Variants in ZNF407 observed in about 807,000 individuals in gnomAD.
ZNF407 encodes the protein zinc finger protein 407.
Under a neutral mutation model 131.2 loss-of-function variants are expected in ZNF407, and 17 were observed. That is an observed-to-expected ratio of 0.13 (90% CI 0.09 to 0.19). The LOEUF is 0.19. Among genes scored for constraint, ZNF407 ranks in the 10% least tolerant of loss-of-function variants. The pLI, the probability that ZNF407 is intolerant of heterozygous loss-of-function variation, is 1.00. For synonymous variants in ZNF407, 1,156 were observed against 1,062.0 expected (o/e 1.09, Z -1.72); for missense variants, 2,681 against 2,830.6 (o/e 0.95, Z 1.20).
Position 74,634,177 on chromosome 18 carries a change from A to G in ZNF407, c.3158A>G (p.Tyr1053Cys). Residue 1053 changes from tyrosine (Y) to cysteine (C), a missense_variant, in exon 2 of 9, where the codon TAC becomes TGC. Transcript: ENST00000299687. ...GAGTTTTATTGCATGGCATGCGATT[A>G]CTACGCGGTGACTCGTCGCGAGATG... ...EFEFYCMACD[Y>C]YAVTRREMTR... 6.2e-7 allele frequency: 1 copy of G among 1,614,064 alleles called. No individual in the cohort carries two copies. Among genetic ancestry groups the G allele is most frequent in the Non-Finnish European group, 8.5e-7 (1 of 1,179,908 alleles).
rs560999473 is a variant in ZNF407 at position 74,987,130 on chromosome 18, C to T, written c.5428+66438C>T. On this transcript the variant is annotated intron_variant, in intron 8 of 8. Transcript: ENST00000299687. Reference sequence around the variant, plus strand: ...ACAAAATACATTAGCTGATACACATCGCGTGTGTTAGAAATGGCATACTCC... The same window carrying T: ...ACAAAATACATTAGCTGATACACATTGCGTGTGTTAGAAATGGCATACTCC... 2.3e-3 allele frequency among the ~76,000 whole-genome samples: 354 copies of T among 151,994 alleles called. 2 individuals carry two copies. Among genetic ancestry groups the T allele is most frequent in the African/African-American group, 7.7e-3 (318 of 41,432 alleles).
chr18:74,675,546 A>G (rs1449002007), intron 3 of ZNF407, among the ~76,000 whole-genome samples: 1 of 152,250 alleles, frequency 6.6e-6, no homozygotes, highest in African/African-American at 2.4e-5. Context: ...AAAGAAAAGT[A>G]ATATAAAGCA....
intron 4 of ZNF407, among the ~76,000 whole-genome samples, chr18:74,792,867 G>T (rs554528222): frequency 1.3e-5 from 2 of 152,154 alleles, no homozygotes; most frequent in African/African-American, 4.8e-5. Flanking sequence ...GGGTCACAAA[G>T]ACACGTCAAT....
chr18:74,812,090 T>G (rs1970205793), intron 4 of ZNF407, among the ~76,000 whole-genome samples: 1 of 152,148 alleles, frequency 6.6e-6, no homozygotes, highest in East Asian at 1.9e-4. Flanking sequence ...TCTGTTAACT[T>G]TGTTTTAGGA....
intron 8 of ZNF407, among the ~76,000 whole-genome samples, chr18:74,952,951 G>A (rs1568281308): frequency 6.6e-6 from 1 of 152,216 alleles, no homozygotes; most frequent in Admixed American, 6.5e-5. Flanking sequence ...AGCAGTGGGA[G>A]TGGAATGGAA....
At chr18:75,021,892 A>G (rs1488601831) in intron 8 of ZNF407, among the ~76,000 whole-genome samples, 1 of 151,986 alleles carries the variant, frequency 6.6e-6, no homozygotes, top group Non-Finnish European at 1.5e-5. Context: ...CCCAGAATAA[A>G]AAGGCAACTA....
intron 3 of ZNF407, among the ~76,000 whole-genome samples, chr18:74,731,404 A>C (rs1968291377): frequency 6.6e-6 from 1 of 152,180 alleles, no homozygotes; most frequent in Non-Finnish European, 1.5e-5. Flanking sequence ...TTTTTAGGCA[A>C]GTTTATCATA....
chr18:74,995,428 A>T (rs1437705903), intron 8 of ZNF407, among the ~76,000 whole-genome samples: 49 of 152,144 alleles, frequency 3.2e-4, no homozygotes, highest in Admixed American at 3.2e-3. Context: ...TGGGTGGACC[A>T]GTTGTGAAGT....
At chr18:74,948,842 A>G (rs1429999845) in intron 8 of ZNF407, among the ~76,000 whole-genome samples, 1 of 152,246 alleles carries the variant, frequency 6.6e-6, no homozygotes, top group Admixed American at 6.5e-5. Context: ...AAGATTTCAA[A>G]TTAGAGTTAA....
intron 7 of ZNF407, among the ~76,000 whole-genome samples, chr18:74,914,572 A>G (rs1021393690): frequency 5.3e-5 from 8 of 152,206 alleles, no homozygotes; most frequent in African/African-American, 1.9e-4. Context: ...AAGATAATGC[A>G]TAGATTACAT....
intron 3 of ZNF407, among the ~76,000 whole-genome samples, chr18:74,771,708 C>T (rs1257694439): frequency 1.3e-5 from 2 of 151,884 alleles, no homozygotes; most frequent in African/African-American, 4.8e-5. Flanking sequence ...AAATGATCAT[C>T]TTTATTTTTA....
rs1969891098 is a variant in ZNF407 at position 74,794,901 on chromosome 18, C to T, written c.4877+13399C>T. 2.0e-5 allele frequency among the ~76,000 whole-genome samples: 3 copies of T among 152,102 alleles called. No homozygotes were observed. The South Asian group carries it at 6.2e-4, about 32-fold the overall frequency. On this transcript the variant is annotated intron_variant, in intron 4 of 8. Transcript: ENST00000299687. The stretch of plus-strand genomic sequence containing the variant: ...TAATGTATTTATGAAAGTTAAATTT[C>T]CTCCCCTTTTAGGATGTTTTTTGAT...
chr18:74,828,766 T>C (rs969155882), intron 4 of ZNF407, among the ~76,000 whole-genome samples: 9 of 130,102 alleles, frequency 6.9e-5, no homozygotes, highest in Non-Finnish European at 1.6e-4. Flanking sequence ...AATGTGATAC[T>C]TACTAGTGGG....
chr18:74,867,479 A>G (rs72977458), intron 4 of ZNF407, among the ~76,000 whole-genome samples: 20,347 of 152,202 alleles, frequency 0.13, 1,429 homozygotes, highest in Middle Eastern at 0.27. Context: ...TGACTCGAAT[A>G]CATACCAGGA....
chr18:75,006,883 T>C (rs1972917499), intron 8 of ZNF407, among the ~76,000 whole-genome samples: 1 of 152,196 alleles, frequency 6.6e-6, no homozygotes, highest in Admixed American at 6.5e-5. Flanking sequence ...TACAACTATG[T>C]ATAGAATTCT....
chr18:74,705,640 T>C (rs1967607020), intron 3 of ZNF407, among the ~76,000 whole-genome samples: 1 of 152,204 alleles, frequency 6.6e-6, no homozygotes, highest in African/African-American at 2.4e-5. Flanking sequence ...AACTCAGAAT[T>C]TATGTTGATG....
At chr18:74,902,115 A>T (rs1434294087) in intron 7 of ZNF407, among the ~76,000 whole-genome samples, 1 of 152,190 alleles carries the variant, frequency 6.6e-6, no homozygotes, top group African/African-American at 2.4e-5. Flanking sequence ...CTGTCCTGGA[A>T]CATCTGCCTG....
Position 74,764,442 on chromosome 18 carries a change from C to T in ZNF407, c.4803-16986C>T, listed in dbSNP as rs560489290. ...TGGATTTTTAAAAAATATCTTCCAT[C>T]TCTCTACAGTCGATCCTCTGTATCC... is the stretch of plus-strand genomic sequence containing the variant. On this transcript the variant is annotated intron_variant, in intron 3 of 8. Transcript: ENST00000299687. Among the ~76,000 whole-genome samples, 38 of 152,300 alleles carry T rather than the reference C, an allele frequency of 2.5e-4. No homozygotes were observed. In the South Asian group the frequency reaches 6.8e-3, roughly 27 times the overall value.
chr18:75,004,959 C>T (rs530051082), intron 8 of ZNF407, among the ~76,000 whole-genome samples: 3 of 152,222 alleles, frequency 2.0e-5, no homozygotes, highest in East Asian at 3.9e-4. Flanking sequence ...CGGTGTTCCA[C>T]ATTATTGATA....
Sources: allele counts gnomAD v4.1 joint callset (sites outside exome capture counted in the v4.1 genomes callset), GRCh38; gene constraint gnomAD v4.1.1; transcripts MANE v1.5; gene names NCBI Gene and HGNC (gene_info 2026-07-23, HGNC 2026-07-21).